The following BRINP3 variants were observed in gnomAD, a reference collection of about 807,000 sequenced individuals.
The protein encoded by BRINP3 is BMP/retinoic acid inducible neural specific 3, also known as BMP/retinoic acid-inducible neural-specific protein 3.
In BRINP3, 19 loss-of-function variants were observed where a neutral mutation model predicts 71.0. That is an observed-to-expected ratio of 0.27 (90% confidence interval 0.19 to 0.39). The LOEUF is 0.39. BRINP3 is among the 10% of genes least tolerant of loss of function. BRINP3 has a pLI of 1.00. For synonymous variants in BRINP3, 380 were observed against 337.7 expected (o/e 1.13, Z -1.37); for missense variants, 959 against 940.8 (o/e 1.02, Z -0.25).
At chr1:190,186,543 G>C (rs1230186266) in intron 6 of BRINP3, among the ~76,000 whole-genome samples, 1 of 152,070 alleles carries the variant, frequency 6.6e-6, no homozygotes, top group Non-Finnish European at 1.5e-5. Context: ...TGAGCCAAAA[G>C]GTCAATAAAC....
At position 190,160,845 on chromosome 1, in the gene BRINP3, A is replaced by G; in HGVS notation, c.1007T>C (p.Leu336Pro). 1 of 1,612,910 alleles carries G rather than the reference A, an allele frequency of 6.2e-7. No homozygotes were observed. Among genetic ancestry groups the G allele is most frequent in the Non-Finnish European group, 8.5e-7 (1 of 1,179,452 alleles). Reference sequence around the variant, plus strand: ...CAAATGCATTATAGTAGATGTGTTGAGGAAATAATTCATAGGTAGCCTTTT... The same window carrying G: ...CAAATGCATTATAGTAGATGTGTTGGGGAAATAATTCATAGGTAGCCTTTT... Reference protein sequence around the residue: ...FMKRLPMNYFLNTSTIMHLWT... With the variant: ...FMKRLPMNYFPNTSTIMHLWT... The change falls in exon 7 of 8, where the codon CTC becomes CCC. Residue 336 changes from leucine (L) to proline (P), a missense_variant. By Grantham distance (98) the Leu-to-Pro change is moderately conservative. Coordinates refer to ENST00000367462, the MANE Select transcript of BRINP3 (RefSeq NM_199051.3).
At chr1:190,188,337 T>A (rs1455395304) in intron 6 of BRINP3, among the ~76,000 whole-genome samples, 1 of 152,204 alleles carries the variant, frequency 6.6e-6, no homozygotes, top group Non-Finnish European at 1.5e-5. Context: ...TATTCCTTTA[T>A]AATTTGGATA....
At chr1:190,442,986 C>A (rs1306435837) in intron 2 of BRINP3, among the ~76,000 whole-genome samples, 106 of 146,880 alleles carry the variant, frequency 7.2e-4, no homozygotes, top group African/African-American at 2.6e-3. Context: ...AATCTCGGCT[C>A]GCTGCAAACT....
intron 2 of BRINP3, among the ~76,000 whole-genome samples, chr1:190,434,455 T>A (rs945836635): frequency 6.6e-6 from 1 of 151,994 alleles, no homozygotes; most frequent in African/African-American, 2.4e-5. Context: ...TTTTCAAGTT[T>A]TTTTGTTGAT....
At chr1:190,276,165 A>C (rs2102915742) in intron 3 of BRINP3, among the ~76,000 whole-genome samples, 1 of 151,756 alleles carries the variant, frequency 6.6e-6, no homozygotes, top group South Asian at 2.1e-4. Flanking sequence ...ATATTCTGAG[A>C]GAAAGTAATT....
rs550541027 is a variant in BRINP3, at chr1:190,396,184, C to T, written c.236+58471G>A. Among the ~76,000 whole-genome samples the T allele has an allele frequency of 6.6e-5, 10 of 151,930 alleles. No homozygotes were observed. In the East Asian group the frequency reaches 1.2e-3, roughly 18 times the overall value. ...GTTAAATAAGTTATTTAATGTCACACGGCTAGTAAATGAGTAATGCTGGAA... is the reference window on the plus strand; with the variant it reads ...GTTAAATAAGTTATTTAATGTCACATGGCTAGTAAATGAGTAATGCTGGAA... On this transcript the variant is annotated intron_variant, in intron 2 of 7. Transcript: ENST00000367462.
chr1:190,447,874 T>A (rs1267595857), intron 2 of BRINP3, among the ~76,000 whole-genome samples: 1 of 151,668 alleles, frequency 6.6e-6, no homozygotes, highest in Non-Finnish European at 1.5e-5. Context: ...AGCTAATATT[T>A]TGCCTGATCA....
intron 7 of BRINP3, among the ~76,000 whole-genome samples, chr1:190,118,579 A>G (rs1470176939): frequency 1.3e-5 from 2 of 152,184 alleles, no homozygotes; most frequent in East Asian, 3.9e-4. Flanking sequence ...ATTTCACAGA[A>G]AAGTGAATCA....
intron 2 of BRINP3, among the ~76,000 whole-genome samples, chr1:190,344,108 T>G (rs756124728): frequency 6.6e-6 from 1 of 151,824 alleles, no homozygotes; most frequent in Non-Finnish European, 1.5e-5. Context: ...ATAAAATATA[T>G]TGTCCTTCAA....
Position 190,282,811 on chromosome 1 carries a change from A to G in BRINP3, c.237-1061T>C, listed in dbSNP as rs374945977. On this transcript the variant is annotated intron_variant, in intron 2 of 7. Transcript: ENST00000367462. ...AAATTTTTTAAAGTTTTAAATTCTG[A>G]TATGTACTGAGAGATACACATACAG... Among the ~76,000 whole-genome samples, 22 of 152,162 alleles carry G rather than the reference A, an allele frequency of 1.4e-4. No homozygotes were observed. In the East Asian group the frequency reaches 3.3e-3, roughly 23 times the overall value.
At chr1:190,419,226 T>A (rs925219302) in intron 2 of BRINP3, among the ~76,000 whole-genome samples, 9 of 151,948 alleles carry the variant, frequency 5.9e-5, no homozygotes, top group African/African-American at 2.2e-4. Flanking sequence ...TTTAGAAAAA[T>A]TAATCTAAAA....
At chr1:190,427,911 A>G (rs570833816) in intron 2 of BRINP3, among the ~76,000 whole-genome samples, 10 of 150,934 alleles carry the variant, frequency 6.6e-5, no homozygotes, top group Non-Finnish European at 1.3e-4. Context: ...CATGCCCCAA[A>G]AGACCACAGT....
chr1:190,259,352 A>G (rs1660961588), intron 4 of BRINP3, among the ~76,000 whole-genome samples: 1 of 151,778 alleles, frequency 6.6e-6, no homozygotes, highest in South Asian at 2.1e-4. Flanking sequence ...AAATCAACTA[A>G]TGTAATAAAT....
At chr1:190,272,316 G>A (rs1662177647) in intron 3 of BRINP3, among the ~76,000 whole-genome samples, 1 of 151,370 alleles carries the variant, frequency 6.6e-6, no homozygotes, top group Non-Finnish European at 1.5e-5. Context: ...ACATAATGAA[G>A]GCAAATGAAA....
chr1:190,405,174 G>C (rs1040553496), intron 2 of BRINP3, among the ~76,000 whole-genome samples: 1 of 151,888 alleles, frequency 6.6e-6, no homozygotes, highest in Non-Finnish European at 1.5e-5. Context: ...AAACGTGGCC[G>C]GGCACAGTGG....
intron 6 of BRINP3, among the ~76,000 whole-genome samples, chr1:190,181,111 A>G (rs1387664912): frequency 3.3e-5 from 5 of 152,048 alleles, no homozygotes; most frequent in Admixed American, 6.6e-5. Flanking sequence ...TTTTATCTTC[A>G]TAACTTTTTA....
At chr1:190,224,468 C>T (rs1035957199) in intron 6 of BRINP3, among the ~76,000 whole-genome samples, 1 of 151,570 alleles carries the variant, frequency 6.6e-6, no homozygotes, top group African/African-American at 2.4e-5. Context: ...TCTCACCATA[C>T]ACAAAAATCA....
intron 4 of BRINP3, among the ~76,000 whole-genome samples, chr1:190,243,138 T>C (rs1313950313): frequency 6.6e-6 from 1 of 152,080 alleles, no homozygotes; most frequent in Non-Finnish European, 1.5e-5. Flanking sequence ...CAACAGAAGT[T>C]TTCTAAGGTT....
intron 2 of BRINP3, among the ~76,000 whole-genome samples, chr1:190,407,467 C>T (rs934608005): frequency 2.0e-5 from 3 of 152,092 alleles, no homozygotes; most frequent in African/African-American, 7.2e-5. Flanking sequence ...CTTATACAGT[C>T]AGTCAATGAT....
Sources: gnomAD v4.1 joint callset for allele counts (sites outside exome capture counted in the v4.1 genomes callset) on GRCh38, gnomAD v4.1.1 for gene constraint, MANE v1.5 for transcripts, NCBI Gene and HGNC (gene_info 2026-07-23, HGNC 2026-07-21) for gene names.